Variants in GMDS observed in about 807,000 individuals in gnomAD.
The protein encoded by GMDS is GDP-mannose 4,6-dehydratase.
A neutral mutation model predicts 49.9 loss-of-function variants in GMDS; 20 were observed. The ratio of observed to expected loss-of-function variants is 0.40; its 90% CI spans 0.28 to 0.58. The LOEUF (loss-of-function observed/expected upper bound fraction) is 0.58. Ranked by LOEUF, GMDS falls within the 20% of genes least tolerant of loss-of-function variation. The pLI, the probability that GMDS is intolerant of heterozygous loss-of-function variation, is 0.42. For synonymous variants in GMDS, 177 were observed against 178.6 expected, an observed-to-expected ratio of 0.99 and a Z score of 0.07; for missense variants, 362 against 481.4, an observed-to-expected ratio of 0.75 and a Z score of 2.32.
At chr6:2,208,475 C>T (rs563391489) in intron 1 of GMDS, among the ~76,000 whole-genome samples, 1 of 152,294 alleles carries the variant, frequency 6.6e-6, no homozygotes, top group African/African-American at 2.4e-5. Flanking sequence ...ATCGCCAGTC[C>T]ATACTTTTTA....
At chr6:1,904,049 G>C (rs1251431080) in intron 7 of GMDS, among the ~76,000 whole-genome samples, 1 of 152,192 alleles carries the variant, frequency 6.6e-6, no homozygotes, top group Non-Finnish European at 1.5e-5. Flanking sequence ...GGGGAGGAAG[G>C]CAAGCTTGGA....
At chr6:2,061,171 T>C (rs888298463) in intron 4 of GMDS, among the ~76,000 whole-genome samples, 11 of 152,076 alleles carry the variant, frequency 7.2e-5, no homozygotes, top group African/African-American at 2.2e-4. Context: ...CCCGAGGTCA[T>C]AGAGGAAAAG....
At chr6:1,984,279 T>G (rs1765405465) in intron 4 of GMDS, among the ~76,000 whole-genome samples, 1 of 152,120 alleles carries the variant, frequency 6.6e-6, no homozygotes, top group Admixed American at 6.6e-5. Context: ...ATTCTGGGCT[T>G]AATACCTAGA....
At chr6:1,845,865 G>A (rs1002671152) in intron 7 of GMDS, among the ~76,000 whole-genome samples, 1 of 152,086 alleles carries the variant, frequency 6.6e-6, no homozygotes, top group African/African-American at 2.4e-5. Flanking sequence ...GTGCGGCCTG[G>A]TTCCTAACAG....
chr6:1,810,229 G>A (rs1770360526), intron 7 of GMDS, among the ~76,000 whole-genome samples: 2 of 152,176 alleles, frequency 1.3e-5, no homozygotes, highest in South Asian at 4.1e-4. Context: ...CCAGAGGGAG[G>A]GAACTCAGCT....
intron 9 of GMDS, among the ~76,000 whole-genome samples, chr6:1,716,752 C>T (rs1473824086): frequency 1.3e-5 from 2 of 152,184 alleles, no homozygotes; most frequent in Non-Finnish European, 1.5e-5. Context: ...CACCTCCTGC[C>T]CCAATTGTGA....
At chr6:1,901,152 C>T (rs116129586) in intron 7 of GMDS, among the ~76,000 whole-genome samples, 2,666 of 152,294 alleles carry the variant, frequency 0.018, 80 homozygotes, top group African/African-American at 0.061. Context: ...TCCGTGGCTC[C>T]CGGCTCTCAG....
At chr6:1,812,732 G>GTT (rs1770489552) in intron 7 of GMDS, among the ~76,000 whole-genome samples, 1 of 152,140 alleles carries the variant, frequency 6.6e-6, no homozygotes, top group African/African-American at 2.4e-5. Context: ...TTTGAGATTT[G>GTT]TTAGTGTAAA....
At chr6:1,674,707 C>A (rs1446281582) in intron 9 of GMDS, among the ~76,000 whole-genome samples, 1 of 140,142 alleles carries the variant, frequency 7.1e-6, no homozygotes, top group Non-Finnish European at 1.6e-5. Context: ...GCTGGGACAC[C>A]CAGCTAATTT....
At chr6:1,992,475 C>T (rs1290490914) in intron 4 of GMDS, among the ~76,000 whole-genome samples, 1 of 152,198 alleles carries the variant, frequency 6.6e-6, no homozygotes, top group Non-Finnish European at 1.5e-5. Context: ...CAGGCTGTTC[C>T]TCAACACACC....
At chr6:2,048,595 T>G (rs1356290068) in intron 4 of GMDS, among the ~76,000 whole-genome samples, 1 of 152,206 alleles carries the variant, frequency 6.6e-6, no homozygotes, top group Non-Finnish European at 1.5e-5. Flanking sequence ...GCTGAACTGC[T>G]TATAAATCTA....
chr6:1,685,010 T>C (rs1581456141), intron 9 of GMDS, among the ~76,000 whole-genome samples: 1 of 111,486 alleles, frequency 9.0e-6, no homozygotes, highest in African/African-American at 3.6e-5. Context: ...GCTCCCTCTC[T>C]CCCCCCCCTT....
intron 4 of GMDS, among the ~76,000 whole-genome samples, chr6:2,054,773 T>C (rs1770683607): frequency 6.6e-6 from 1 of 151,718 alleles, no homozygotes; most frequent in Non-Finnish European, 1.5e-5. Context: ...AAAAACATTG[T>C]TGGAACAAAT....
intron 7 of GMDS, among the ~76,000 whole-genome samples, chr6:1,893,481 C>A (rs1309062520): frequency 7.9e-5 from 12 of 152,168 alleles, no homozygotes; most frequent in Non-Finnish European, 1.5e-5. Flanking sequence ...CCACTGCACC[C>A]GGCCCATCTC....
In GMDS at chr6:1,766,715, C is replaced by T. The variant is rs1239194309; in HGVS notation, c.772-24129G>A. 1.3e-5 allele frequency among the ~76,000 whole-genome samples: 2 copies of T among 152,184 alleles called. No homozygotes were observed. Among genetic ancestry groups the T allele is most frequent in the African/African-American group, 4.8e-5 (2 of 41,448 alleles). ...CGGTTCCCACCTGGGGATGTTGAAC[C>T]AGTCTCACCAGATCTGCTTACACGG... On this transcript the variant is annotated intron_variant, in intron 7 of 10. Transcript: ENST00000380815. The surrounding 1 kb of genome is among the most constrained non-coding windows in gnomAD (Gnocchi z 4.5).
rs149810036 is a variant in GMDS, at chr6:1,708,896, A to C, written c.987+17520T>G. 4.3e-3 allele frequency among the ~76,000 whole-genome samples: 657 copies of C among 152,332 alleles called. 2 individuals are homozygous for C. Among genetic ancestry groups the C allele is most frequent in the African/African-American group, 0.015 (634 of 41,560 alleles). On this transcript the variant is annotated intron_variant, in intron 9 of 10. Coordinates refer to ENST00000380815, the MANE Select transcript of GMDS (RefSeq NM_001500.4). ...CCAGTCATACACTAAAAGGACAAAAAGCCATTGTCAGGTGCTGTGGTGACA... is the reference window on the plus strand; with the variant it reads ...CCAGTCATACACTAAAAGGACAAAACGCCATTGTCAGGTGCTGTGGTGACA...
Position 1,652,491 on chromosome 6 carries a change from ATATTATT to A in GMDS, c.988-27958_988-27952del, listed in dbSNP as rs1307746928. The stretch of plus-strand genomic sequence containing the variant: ...ATATTATATATATTATATATAATAT[ATATTATT>A]TATATAATATATTATATATATTTAT... On this transcript the variant is annotated intron_variant, in intron 9 of 10. Coordinates refer to ENST00000380815, the MANE Select transcript of GMDS (RefSeq NM_001500.4). 5.5e-4 allele frequency among the ~76,000 whole-genome samples: 5 copies of A among 9,152 alleles called. 1 individual carries two copies. The highest frequency in any genetic ancestry group is 2.2e-3 in the African/African-American group (5 of 2,244). The allele number at this position is 9,152 out of a possible 152,430, so 6.0% of individuals were successfully genotyped here.
chr6:1,698,601 C>T (rs1765427865), intron 9 of GMDS, among the ~76,000 whole-genome samples: 1 of 152,126 alleles, frequency 6.6e-6, no homozygotes, highest in Admixed American at 6.5e-5. Flanking sequence ...GTCAGGACCG[C>T]TGCTTTAAGC....
intron 7 of GMDS, among the ~76,000 whole-genome samples, chr6:1,905,529 C>T (rs879485908): frequency 7.1e-6 from 1 of 141,106 alleles, no homozygotes; most frequent in East Asian, 2.2e-4. Context: ...TGGGTGCTGG[C>T]GTGTAGGTTG....
Sources: gnomAD v4.1 joint callset for allele counts (sites outside exome capture counted in the v4.1 genomes callset) on GRCh38, gnomAD v4.1.1 for gene constraint, Gnocchi (gnomAD v3.1) non-coding constraint, MANE v1.5 for transcripts, NCBI Gene and HGNC (gene_info 2026-07-23, HGNC 2026-07-21) for gene names.